The following SPMIP5 variants were observed in gnomAD, a reference collection of about 807,000 sequenced individuals.
SPMIP5 encodes the protein sperm-associated microtubule inner protein 5.
the SPMIP5 span, among the ~76,000 whole-genome samples, chr10:116,668,933 G>GCATGCACACACACACACA: frequency 7.4e-6 from 1 of 135,282 alleles, no homozygotes; most frequent in African/African-American, 2.9e-5. Context: ...GCACACACAT[G>GCATGCACACACACACACA]CACACACACA....
the SPMIP5 span, among the ~76,000 whole-genome samples, chr10:116,668,933 G>GCGCACACACA: frequency 2.2e-5 from 3 of 135,282 alleles, no homozygotes; most frequent in Admixed American, 7.4e-5. Flanking sequence ...GCACACACAT[G>GCGCACACACA]CACACACACA....
the SPMIP5 span, chr10:116,664,679 G>C: frequency 6.4e-7 from 1 of 1,552,690 alleles, no homozygotes; most frequent in African/African-American, 1.4e-5. Flanking sequence ...GCTGGGATGG[G>C]GACATCTGGT....
At chr10:116,665,570 A>T in the SPMIP5 span, 3 of 1,581,992 alleles carry the variant, frequency 1.9e-6, no homozygotes, top group Non-Finnish European at 2.6e-6. Flanking sequence ...TGCAGGGGTG[A>T]CCAGGGGTGA....
the SPMIP5 span, among the ~76,000 whole-genome samples, chr10:116,663,181 C>CAAA: frequency 5.2e-5 from 5 of 96,856 alleles, no homozygotes; most frequent in East Asian, 3.9e-4. Context: ...GATTCTGTCT[C>CAAA]AAAAAAAAAA....
At chr10:116,668,144 C>A in the SPMIP5 span, 3 of 989,010 alleles carry the variant, frequency 3.0e-6, no homozygotes, top group South Asian at 1.4e-5. Flanking sequence ...GAAGCTAGAG[C>A]GCCTAGACTG....
the SPMIP5 span, among the ~76,000 whole-genome samples, chr10:116,667,109 A>T: frequency 3.9e-5 from 6 of 152,196 alleles, no homozygotes; most frequent in African/African-American, 1.4e-4. Context: ...CCTAAATCTG[A>T]TGACTGATGT....
the SPMIP5 span, chr10:116,668,432 G>C: frequency 1.1e-6 from 1 of 938,094 alleles, no homozygotes; most frequent in South Asian, 1.4e-5. Context: ...TGACTGCCAG[G>C]AGTTGGGGCT....
At chr10:116,665,724 A>G in the SPMIP5 span, 1 of 1,614,160 alleles carries the variant, frequency 6.2e-7, no homozygotes, top group East Asian at 2.2e-5. Context: ...CAATTCCCGC[A>G]GCTGTTCTTT....
chr10:116,664,775 C>T, the SPMIP5 span: 1 of 1,614,108 alleles, frequency 6.2e-7, no homozygotes, highest in Admixed American at 1.7e-5. Flanking sequence ...CATATGGTTT[C>T]AGATGTGCCT....
chr10:116,664,427 C>T, the SPMIP5 span: 1 of 796,608 alleles, frequency 1.3e-6, no homozygotes, highest in Non-Finnish European at 1.9e-6. Flanking sequence ...TCACCCTCCT[C>T]ATTTCGCAGA....
chr10:116,664,879 C>T, the SPMIP5 span: 1 of 1,614,088 alleles, frequency 6.2e-7, no homozygotes, highest in African/African-American at 1.3e-5. Context: ...GTGACCTTGG[C>T]TCTCGGCAGG....
the SPMIP5 span, chr10:116,668,126 A>G: frequency 1.2e-6 from 1 of 840,492 alleles, no homozygotes; most frequent in Admixed American, 2.0e-5. Context: ...CTCTCAATGC[A>G]TGTCTGAGAA....
At chr10:116,669,405 C>T in the SPMIP5 span, among the ~76,000 whole-genome samples, 3 of 152,216 alleles carry the variant, frequency 2.0e-5, no homozygotes, top group African/African-American at 4.8e-5. Context: ...AAGCACTGGG[C>T]CTGGAGTCAG....
the SPMIP5 span, among the ~76,000 whole-genome samples, chr10:116,666,755 C>A: frequency 6.6e-6 from 1 of 152,266 alleles, no homozygotes; most frequent in African/African-American, 2.4e-5. Flanking sequence ...TTATGAAGAC[C>A]CTAGGGGCTT....
chr10:116,668,519 G>T, the SPMIP5 span, among the ~76,000 whole-genome samples: 1 of 152,076 alleles, frequency 6.6e-6, no homozygotes, highest in African/African-American at 2.4e-5. Flanking sequence ...CTATTACCAA[G>T]GGCCCATCAC....
the SPMIP5 span, among the ~76,000 whole-genome samples, chr10:116,668,933 G>GCGCACACACACA: frequency 2.7e-4 from 37 of 135,380 alleles, no homozygotes; most frequent in South Asian, 7.8e-4. Context: ...GCACACACAT[G>GCGCACACACACA]CACACACACA....
the SPMIP5 span, chr10:116,664,331 AAATAG>A: frequency 8.8e-7 from 1 of 1,130,390 alleles, no homozygotes; most frequent in Non-Finnish European, 1.2e-6. Context: ...GAATAATAAT[AAATAG>A]AATAAAATAC....
the SPMIP5 span, chr10:116,663,659 C>T: frequency 2.2e-6 from 1 of 451,662 alleles, no homozygotes; most frequent in Non-Finnish European, 3.9e-6. Context: ...TCATGGTCAA[C>T]ATAACCTGGA....
At chr10:116,665,154 T>G in the SPMIP5 span, 4 of 1,307,068 alleles carry the variant, frequency 3.1e-6, no homozygotes, top group African/African-American at 6.0e-5. Context: ...CCCAGCACTT[T>G]GGGAGGCTGA....
Sources: gnomAD v4.1 joint callset for allele counts (sites outside exome capture counted in the v4.1 genomes callset) on GRCh38, gnomAD v4.1.1 for gene constraint, MANE v1.5 for transcripts, NCBI Gene and HGNC (gene_info 2026-07-23, HGNC 2026-07-21) for gene names.